RAPGEF5: variants seen among roughly 807,000 people sequenced by gnomAD.
The protein encoded by RAPGEF5 is Rap guanine nucleotide exchange factor 5, also known as M-Ras-regulated GEF.
RAPGEF5 carries 65 observed loss-of-function variants against 125.2 expected under a neutral mutation model. That is an observed-to-expected ratio of 0.52 (90% confidence interval 0.43 to 0.64). RAPGEF5 has a LOEUF of 0.64. RAPGEF5 is among the 30% of genes least tolerant of loss of function. The pLI is 0.00. For missense variants in RAPGEF5, 958 were observed against 1,048.1 expected (o/e 0.91, Z 1.19); for synonymous variants, 391 against 385.9 (o/e 1.01, Z -0.16).
At chr7:22,249,811 A>G (rs765202140) in intron 7 of RAPGEF5, among the ~76,000 whole-genome samples, 29 of 152,298 alleles carry the variant, frequency 1.9e-4, no homozygotes, top group Middle Eastern at 3.4e-3. Flanking sequence ...TGTGATTGTC[A>G]AAGTCTGGCA....
At chr7:22,145,247 G>A in intron 19 of RAPGEF5, 25 bp from the exon 20 acceptor site, 1 of 1,585,514 alleles carries the variant, frequency 6.3e-7, no homozygotes, top group Non-Finnish European at 8.6e-7. Context: ...ATTCATGCCA[G>A]GGTTTATTTA....
At chr7:22,313,376 A>C (rs959800130) in intron 3 of RAPGEF5, among the ~76,000 whole-genome samples, 5 of 152,368 alleles carry the variant, frequency 3.3e-5, no homozygotes, top group African/African-American at 1.2e-4. Flanking sequence ...GTGAGTTCTC[A>C]CGTGGTATGT....
intron 23 of RAPGEF5, among the ~76,000 whole-genome samples, chr7:22,134,690 G>T (rs539926850): frequency 6.6e-6 from 1 of 152,018 alleles, no homozygotes; most frequent in African/African-American, 2.4e-5. Flanking sequence ...CTTTATTTGT[G>T]TCTAAATGAT....
At chr7:22,228,875 G>A (rs755947093) in intron 8 of RAPGEF5, among the ~76,000 whole-genome samples, 7 of 152,014 alleles carry the variant, frequency 4.6e-5, no homozygotes, top group South Asian at 4.2e-4. Flanking sequence ...CAGAGGCAGC[G>A]CCCCTAGTCT....
chr7:22,167,156 G>GAAA lies in RAPGEF5; in HGVS notation c.1205-11_1205-9dup. The GAAA allele has an allele frequency of 7.0e-7, 1 of 1,431,182 alleles. No individual in the cohort carries two copies. Among genetic ancestry groups the GAAA allele is most frequent in the South Asian group, 1.3e-5 (1 of 77,022 alleles). 88.7% of individuals were successfully genotyped at this position (1,431,182 alleles called of 1,614,324 possible). A position where few individuals can be genotyped will look rare whatever the true frequency, so the allele number is the denominator to read the frequency against. ...AGTCATCCAGGAGGGTCTCTGCAAA[G>GAAA]AAAAAAAAAACAAACACAAGGTAAG... On this transcript the variant is annotated splice_polypyrimidine_tract_variant and intron_variant, in intron 11 of 25. Transcript: ENST00000665637.
intron 8 of RAPGEF5, among the ~76,000 whole-genome samples, chr7:22,225,138 A>T (rs899286063): frequency 1.7e-4 from 26 of 152,184 alleles, no homozygotes; most frequent in African/African-American, 6.3e-4. Context: ...AGCCTGGGCA[A>T]AAGAGTGAGA....
intron 5 of RAPGEF5, among the ~76,000 whole-genome samples, chr7:22,296,577 G>C (rs1248651030): frequency 6.8e-6 from 1 of 146,134 alleles, no homozygotes; most frequent in South Asian, 2.5e-4. Flanking sequence ...TAGCCCAGAA[G>C]GTGAAAGCCC....
intron 9 of RAPGEF5, among the ~76,000 whole-genome samples, chr7:22,197,900 G>GA (rs1554327469): frequency 6.9e-6 from 1 of 145,042 alleles, no homozygotes; most frequent in African/African-American, 2.5e-5. Context: ...TTTTGGGGGG[G>GA]GGTGGTAGGA....
At chr7:22,254,748 T>C (rs941022566) in intron 7 of RAPGEF5, among the ~76,000 whole-genome samples, 1 of 151,912 alleles carries the variant, frequency 6.6e-6, no homozygotes, top group Non-Finnish European at 1.5e-5. Flanking sequence ...GGGATGGTTT[T>C]GGGATAAAAT....
chr7:22,191,301 T>C (rs1022213477), intron 11 of RAPGEF5: 3 of 206,620 alleles, frequency 1.5e-5, no homozygotes, highest in African/African-American at 6.7e-5. Context: ...AGTGCCGTTC[T>C]TGAAGTTTGG....
chr7:22,293,711 C>T lies in RAPGEF5; in HGVS notation c.681-2470G>A, dbSNP rs116030764. 3.5e-3 allele frequency among the ~76,000 whole-genome samples: 536 copies of T among 152,158 alleles called. 1 individual carries two copies. The highest frequency in any genetic ancestry group is 0.012 in the African/African-American group (511 of 41,536). On this transcript the variant is annotated intron_variant, in intron 5 of 25. Coordinates refer to ENST00000665637, the MANE Select transcript of RAPGEF5 (RefSeq NM_012294.5). ...TGCCCCATGCCCCGCTGCACCAGCACGCAACTGTCCCTCACCTGGTGTAAA... is the reference window on the plus strand; with the variant it reads ...TGCCCCATGCCCCGCTGCACCAGCATGCAACTGTCCCTCACCTGGTGTAAA...
intron 7 of RAPGEF5, among the ~76,000 whole-genome samples, chr7:22,236,660 C>T (rs922782449): frequency 6.6e-6 from 1 of 152,186 alleles, no homozygotes; most frequent in Non-Finnish European, 1.5e-5. Flanking sequence ...GCCATGGTCA[C>T]ATCTCATGTA....
intron 3 of RAPGEF5, among the ~76,000 whole-genome samples, chr7:22,313,960 G>A (rs1783533211): frequency 6.6e-6 from 1 of 152,174 alleles, no homozygotes; most frequent in Non-Finnish European, 1.5e-5. Flanking sequence ...AATCCCTAAT[G>A]GGAGGAAAAC....
At chr7:22,218,760 A>G (rs1013066008) in intron 9 of RAPGEF5, among the ~76,000 whole-genome samples, 9 of 152,180 alleles carry the variant, frequency 5.9e-5, no homozygotes, top group African/African-American at 2.2e-4. Flanking sequence ...GTTCCAAGCA[A>G]AGTGAAGGTT....
At chr7:22,241,531 T>A (rs943730773) in intron 7 of RAPGEF5, among the ~76,000 whole-genome samples, 1 of 152,206 alleles carries the variant, frequency 6.6e-6, no homozygotes, top group Admixed American at 6.5e-5. Context: ...AATAAAGCAT[T>A]ATTCCTACAA....
intron 11 of RAPGEF5, among the ~76,000 whole-genome samples, chr7:22,176,009 A>T (rs1784493307): frequency 6.6e-6 from 1 of 152,138 alleles, no homozygotes; most frequent in Admixed American, 6.6e-5. Flanking sequence ...GACGTACCAG[A>T]GACTGGGTAA....
intron 1 of RAPGEF5, among the ~76,000 whole-genome samples, chr7:22,318,919 G>A (rs565069489): frequency 1.3e-4 from 19 of 150,974 alleles, no homozygotes; most frequent in Non-Finnish European, 2.2e-4. Context: ...AGGGAGGGCT[G>A]GCAGCTTATA....
chr7:22,273,621 T>C (rs1011381218), intron 6 of RAPGEF5, among the ~76,000 whole-genome samples: 1 of 152,228 alleles, frequency 6.6e-6, no homozygotes, highest in Non-Finnish European at 1.5e-5. Flanking sequence ...AAGACTAATA[T>C]ATGTAGAAGT....
intron 11 of RAPGEF5, among the ~76,000 whole-genome samples, chr7:22,188,349 A>G (rs1784885018): frequency 6.6e-6 from 1 of 152,220 alleles, no homozygotes; most frequent in African/African-American, 2.4e-5. Context: ...CTCCATGAAA[A>G]TTACATAATT....
Sources: gnomAD v4.1 joint callset for allele counts (sites outside exome capture counted in the v4.1 genomes callset) on GRCh38, gnomAD v4.1.1 for gene constraint, MANE v1.5 for transcripts, NCBI Gene and HGNC (gene_info 2026-07-23, HGNC 2026-07-21) for gene names.